DOK5: variants seen among roughly 807,000 people sequenced by gnomAD.
DOK5 encodes the protein downstream of tyrosine kinase 5.
A neutral mutation model predicts 43.3 loss-of-function variants in DOK5; 27 were observed. The observed-to-expected ratio is 0.62, with a 90% confidence interval of 0.46 to 0.86. The LOEUF is 0.86. DOK5 is among the 40% of genes least tolerant of loss of function. DOK5 has a pLI of 0.00. For missense variants in DOK5, 373 were observed against 392.9 expected (o/e 0.95, Z 0.43); for synonymous variants, 146 against 140.1 (o/e 1.04, Z -0.30).
At chr20:54,573,769 C>T (rs1360577216) in intron 2 of DOK5, among the ~76,000 whole-genome samples, 1 of 151,266 alleles carries the variant, frequency 6.6e-6, no homozygotes, top group Non-Finnish European at 1.5e-5. Flanking sequence ...CACGTAATGA[C>T]CTCTAGCATC....
chr20:54,580,267 T>C (rs1985595360), intron 2 of DOK5, among the ~76,000 whole-genome samples: 1 of 152,200 alleles, frequency 6.6e-6, no homozygotes, highest in Admixed American at 6.5e-5. Flanking sequence ...AATTAGGTTA[T>C]TTCCCTGTTT....
intron 2 of DOK5, among the ~76,000 whole-genome samples, chr20:54,580,114 CTTTT>C (rs1211295677): frequency 6.6e-6 from 1 of 152,000 alleles, no homozygotes; most frequent in Non-Finnish European, 1.5e-5. Flanking sequence ...TGAACTCATC[CTTTT>C]TTATGGCTGC....
intron 1 of DOK5, among the ~76,000 whole-genome samples, chr20:54,505,939 C>A (rs942687828): frequency 6.6e-6 from 1 of 152,074 alleles, no homozygotes; most frequent in Admixed American, 6.5e-5. Context: ...TGGCCACAGA[C>A]AGGATGTTGC....
chr20:54,650,263 ACTCAT>A, intron 7 of DOK5, 147 bp from the exon 8 acceptor site: 1 of 643,526 alleles, frequency 1.6e-6, no homozygotes, highest in South Asian at 1.9e-5. Flanking sequence ...AATCTCTGTG[ACTCAT>A]TTACATATCA....
At chr20:54,585,725 A>G (rs769171618) in intron 2 of DOK5, among the ~76,000 whole-genome samples, 1 of 152,246 alleles carries the variant, frequency 6.6e-6, no homozygotes, top group Non-Finnish European at 1.5e-5. Flanking sequence ...ACTTGGTTGT[A>G]TGACTTTAAC....
At position 54,643,457 on chromosome 20, in the gene DOK5, G is replaced by A. The variant is rs1979221026; in HGVS notation, c.736-1G>A. The A allele has an allele frequency of 3.1e-6, 5 of 1,613,250 alleles. No homozygotes were observed. The highest frequency in any genetic ancestry group is 4.2e-6 in the Non-Finnish European group (5 of 1,179,992). ...CACAACTTTCTTCCCTTTGGCTGCA[G>A]CTCCAGATGAAGATGAGTGAGCGGG... On this transcript the variant is annotated splice_acceptor_variant, in intron 6 of 7. Coordinates refer to ENST00000262593, the MANE Select transcript of DOK5 (RefSeq NM_018431.5). LOFTEE classifies it high-confidence loss of function.
chr20:54,611,518 G>GC (rs1600735235), intron 6 of DOK5, among the ~76,000 whole-genome samples: 1 of 152,086 alleles, frequency 6.6e-6, no homozygotes, highest in African/African-American at 2.4e-5. Flanking sequence ...CCGAGTTTGT[G>GC]CCACTGCACT....
chr20:54,520,663 A>G (rs1277088090), intron 1 of DOK5, among the ~76,000 whole-genome samples: 1 of 152,106 alleles, frequency 6.6e-6, no homozygotes, highest in Non-Finnish European at 1.5e-5. Context: ...GTGTGCTTAT[A>G]GTCCTAGCTA....
intron 2 of DOK5, among the ~76,000 whole-genome samples, chr20:54,584,002 T>C (rs62214428): frequency 4.0e-5 from 6 of 150,424 alleles, no homozygotes; most frequent in South Asian, 4.2e-4. Flanking sequence ...AAAAAAAAAT[T>C]AGTCGAGCAC....
chr20:54,615,084 T>C (rs971388374), intron 6 of DOK5, among the ~76,000 whole-genome samples: 1 of 152,224 alleles, frequency 6.6e-6, no homozygotes, highest in Non-Finnish European at 1.5e-5. Flanking sequence ...TAGGAAGTCC[T>C]AACTCATTGT....
intron 1 of DOK5, among the ~76,000 whole-genome samples, chr20:54,551,180 T>C (rs6098076): frequency 0.02 from 3,108 of 152,344 alleles, 103 homozygotes; most frequent in African/African-American, 0.07. Context: ...ATGTGCTTCT[T>C]GAACATCTGC....
At chr20:54,476,468 C>G (rs866356342) in intron 1 of DOK5, among the ~76,000 whole-genome samples, 1 of 152,236 alleles carries the variant, frequency 6.6e-6, no homozygotes, top group East Asian at 1.9e-4. Flanking sequence ...CCTCTGACCC[C>G]AGGGAGAGAT....
At chr20:54,621,862 A>G (rs1986984433) in intron 6 of DOK5, among the ~76,000 whole-genome samples, 1 of 152,046 alleles carries the variant, frequency 6.6e-6, no homozygotes, top group Admixed American at 6.6e-5. Context: ...CACTTGCACC[A>G]CTATGCTGTA....
chr20:54,488,509 T>C (rs922434702), intron 1 of DOK5, among the ~76,000 whole-genome samples: 3 of 152,216 alleles, frequency 2.0e-5, no homozygotes, highest in African/African-American at 4.8e-5. Flanking sequence ...CATTTATTTC[T>C]CTTCTCTTTC....
chr20:54,550,404 A>G (rs1984489582), intron 1 of DOK5, among the ~76,000 whole-genome samples: 1 of 152,202 alleles, frequency 6.6e-6, no homozygotes, highest in African/African-American at 2.4e-5. Context: ...AAGTCTTCCA[A>G]AACTACAGTA....
At chr20:54,501,008 G>A (rs1000362614) in intron 1 of DOK5, among the ~76,000 whole-genome samples, 1 of 152,136 alleles carries the variant, frequency 6.6e-6, no homozygotes, top group African/African-American at 2.4e-5. Context: ...TTAACTAAAA[G>A]TGACACTCAG....
intron 5 of DOK5, among the ~76,000 whole-genome samples, chr20:54,594,279 C>G (rs1275293446): frequency 6.6e-6 from 1 of 152,156 alleles, no homozygotes; most frequent in Non-Finnish European, 1.5e-5. Flanking sequence ...GTGGTCTCAG[C>G]TACTCCAGAG....
At chr20:54,564,949 A>G (rs1985044357) in intron 2 of DOK5, among the ~76,000 whole-genome samples, 1 of 151,926 alleles carries the variant, frequency 6.6e-6, no homozygotes, top group African/African-American at 2.4e-5. Context: ...ACCTCCCTTC[A>G]TTTGTCCTGT....
chr20:54,500,604 C>T (rs942585350), intron 1 of DOK5, among the ~76,000 whole-genome samples: 15 of 144,130 alleles, frequency 1.0e-4, no homozygotes, highest in African/African-American at 2.8e-4. Context: ...TCTTGTTGCC[C>T]GGGCTGGAGT....
Sources: allele counts gnomAD v4.1 joint callset (sites outside exome capture counted in the v4.1 genomes callset), GRCh38; gene constraint gnomAD v4.1.1; transcripts MANE v1.5; gene names NCBI Gene and HGNC (gene_info 2026-07-23, HGNC 2026-07-21).